The following MTIF2 variants were observed in gnomAD, a reference collection of about 807,000 sequenced individuals.
The protein encoded by MTIF2 is translation initiation factor IF-2, mitochondrial.
Under a neutral mutation model 83.5 loss-of-function variants are expected in MTIF2, and 71 were observed. The observed-to-expected ratio is 0.85, with a 90% CI of 0.70 to 1.04. The LOEUF (loss-of-function observed/expected upper bound fraction) is 1.04, where lower values mean the gene tolerates loss of function less well. Among genes scored for constraint, MTIF2 ranks in the 50% least tolerant of loss-of-function variants. The pLI, the probability that MTIF2 is intolerant of heterozygous loss-of-function variation, is 0.00. For synonymous variants in MTIF2, 319 were observed against 287.1 expected (o/e 1.11, Z -1.12); for missense variants, 957 against 846.5 (o/e 1.13, Z -1.62).
intron 13 of MTIF2, among the ~76,000 whole-genome samples, chr2:55,241,625 G>A (rs760790875): frequency 2.0e-5 from 3 of 151,714 alleles, no homozygotes; most frequent in East Asian, 3.9e-4. Context: ...GGTGGATCAC[G>A]TGAGGTCAGG....
chr2:55,239,282 C>A (rs560101772), intron 14 of MTIF2, among the ~76,000 whole-genome samples: 10,949 of 152,146 alleles, frequency 0.072, 1,245 homozygotes, highest in African/African-American at 0.24. Context: ...TTTTGCTTAG[C>A]AGATGTACAT....
Position 55,265,525 on chromosome 2 carries a change from T to C in MTIF2, c.-7-1660A>G, listed in dbSNP as rs72918947. ...AATTGTAAAGTCATTTTAAGGTTTT[T>C]TTTGTTTGTCTGTTTGCTTTTCAAT... is the stretch of plus-strand genomic sequence containing the variant. On this transcript the variant is annotated intron_variant, in intron 3 of 15. Coordinates refer to ENST00000263629, the MANE Select transcript of MTIF2 (RefSeq NM_002453.3). Among the ~76,000 whole-genome samples, 1,236 of 152,090 alleles carry C rather than the reference T, an allele frequency of 8.1e-3. 18 individuals are homozygous for C. The highest frequency in any genetic ancestry group is 0.028 in the African/African-American group (1,173 of 41,500).
chr2:55,253,506 C>A (rs1440847455), intron 7 of MTIF2, among the ~76,000 whole-genome samples: 2 of 151,854 alleles, frequency 1.3e-5, no homozygotes, highest in Non-Finnish European at 2.9e-5. Flanking sequence ...TGGCAAAACC[C>A]CGTCTCTACT....
At chr2:55,256,676 G>A (rs971461093) in intron 5 of MTIF2, among the ~76,000 whole-genome samples, 4 of 150,292 alleles carry the variant, frequency 2.7e-5, no homozygotes, top group Non-Finnish European at 5.9e-5. Flanking sequence ...GCTCCAGCCT[G>A]GGTGACAGAG....
chr2:55,247,475 C>T (rs769132592), intron 9 of MTIF2, among the ~76,000 whole-genome samples: 6 of 152,134 alleles, frequency 3.9e-5, no homozygotes, highest in Non-Finnish European at 8.8e-5. Context: ...ATCACTTGAA[C>T]CCAGAGGCAG....
intron 14 of MTIF2, among the ~76,000 whole-genome samples, chr2:55,237,630 C>T (rs914149645): frequency 2.3e-4 from 33 of 141,048 alleles, no homozygotes; most frequent in Non-Finnish European, 4.6e-4. Flanking sequence ...TTTGGCTATT[C>T]TTTTCCTTTT....
intron 5 of MTIF2, among the ~76,000 whole-genome samples, chr2:55,260,044 C>G (rs1226455494): frequency 6.6e-6 from 1 of 152,164 alleles, no homozygotes; most frequent in Non-Finnish European, 1.5e-5. Flanking sequence ...TAGCCATATT[C>G]ATTTATTTTC....
intron 11 of MTIF2, 139 bp from the exon 12 acceptor site, chr2:55,243,807 T>G (rs766908448): frequency 8.4e-6 from 9 of 1,073,884 alleles, no homozygotes; most frequent in Non-Finnish European, 1.2e-5. Context: ...AAGAAACATG[T>G]AAAATTTTAA....
intron 9 of MTIF2, among the ~76,000 whole-genome samples, chr2:55,247,136 T>C (rs921827606): frequency 1.3e-5 from 2 of 152,230 alleles, no homozygotes; most frequent in African/African-American, 4.8e-5. Flanking sequence ...CTATGTTTAC[T>C]GTGCTCTCTA....
chr2:55,236,951 G>C (rs1374143621), intron 15 of MTIF2, 131 bp from the exon 16 acceptor site: 3 of 767,650 alleles, frequency 3.9e-6, no homozygotes, highest in Non-Finnish European at 5.8e-6. Flanking sequence ...CAAGTTAAAT[G>C]ATGGGACTAA....
intron 8 of MTIF2, among the ~76,000 whole-genome samples, chr2:55,251,611 A>G (rs1169690236): frequency 2.0e-5 from 3 of 152,180 alleles, no homozygotes; most frequent in Non-Finnish European, 2.9e-5. Context: ...CAGAATAAAA[A>G]TCAATATACC....
rs780044975 is a variant in MTIF2, at chr2:55,242,903, G to C, written c.1705+37C>G. The C allele has an allele frequency of 2.5e-6, 4 of 1,586,352 alleles. No individual in the cohort carries two copies. In the East Asian group the frequency reaches 9.0e-5, roughly 36 times the overall value. Reference sequence around the variant, plus strand: ...GAAGCAGATGGTTCAGTGTTATTTGGGGAACACAGATTAACAAGAAGAAAT... The same window carrying C: ...GAAGCAGATGGTTCAGTGTTATTTGCGGAACACAGATTAACAAGAAGAAAT... On this transcript the variant is annotated intron_variant, in intron 13 of 15. Coordinates refer to ENST00000263629, the MANE Select transcript of MTIF2 (RefSeq NM_002453.3).
intron 10 of MTIF2, 68 bp downstream of exon 10, chr2:55,246,269 A>G (rs748009332): frequency 2.0e-6 from 3 of 1,466,978 alleles, no homozygotes; most frequent in African/African-American, 2.8e-5. Flanking sequence ...AAAATAATAC[A>G]TTGTCATATA....
Position 55,263,623 on chromosome 2 carries a change from A to C in MTIF2, c.219+17T>G, listed in dbSNP as rs1324789606. On this transcript the variant is annotated intron_variant, in intron 4 of 15. Coordinates refer to ENST00000263629, the MANE Select transcript of MTIF2 (RefSeq NM_002453.3). ...AGACTCCATCTCAAAAAAAAAAAAA[A>C]AGAAATCTGTAACTACCTTTTTTGT... The C allele has an allele frequency of 1.9e-6, 3 of 1,575,090 alleles. No homozygotes were observed. The highest frequency in any genetic ancestry group is 2.6e-6 in the Non-Finnish European group (3 of 1,163,410).
At chr2:55,237,223 G>T (rs899707941) in intron 15 of MTIF2, 65 bp downstream of exon 15, 32 of 1,485,306 alleles carry the variant, frequency 2.2e-5, no homozygotes, top group African/African-American at 2.8e-5. Context: ...GATTTCAGAT[G>T]GTTATATAGT....
intron 14 of MTIF2, among the ~76,000 whole-genome samples, chr2:55,239,356 G>C (rs930144101): frequency 6.6e-6 from 1 of 152,176 alleles, no homozygotes; most frequent in Non-Finnish European, 1.5e-5. Flanking sequence ...AAAACATCAC[G>C]TGTGCATGGA....
At chr2:55,245,475 A>G (rs1169369096) in intron 10 of MTIF2, among the ~76,000 whole-genome samples, 1 of 152,158 alleles carries the variant, frequency 6.6e-6, no homozygotes, top group East Asian at 1.9e-4. Flanking sequence ...GTGAGCTGAG[A>G]TCGTGGCCAC....
In MTIF2 at chr2:55,236,827, A is replaced by G. The variant is rs370378770; in HGVS notation, c.2012-7T>C. 144 of 1,570,486 alleles carry G rather than the reference A, an allele frequency of 9.2e-5. No homozygotes were observed. The highest frequency in any genetic ancestry group is 1.2e-4 in the Non-Finnish European group (140 of 1,164,250). ...TTCAATGAGGTTAATGAGCCTTAAA[A>G]AAGATAATTTAAGGTTAGTATATTC... On this transcript the variant is annotated splice_polypyrimidine_tract_variant and splice_region_variant and intron_variant, in intron 15 of 15. Transcript: ENST00000263629.
intron 13 of MTIF2, among the ~76,000 whole-genome samples, chr2:55,240,718 T>A (rs1356970903): frequency 6.6e-6 from 1 of 152,228 alleles, no homozygotes; most frequent in African/African-American, 2.4e-5. Flanking sequence ...TTTATAATTT[T>A]AAACCCATTC....
Sources: allele counts gnomAD v4.1 joint callset (sites outside exome capture counted in the v4.1 genomes callset), GRCh38; gene constraint gnomAD v4.1.1; transcripts MANE v1.5; gene names NCBI Gene and HGNC (gene_info 2026-07-23, HGNC 2026-07-21).